Variants in SELENOO observed in about 807,000 individuals in gnomAD.
The protein encoded by SELENOO is protein adenylyltransferase SelO, mitochondrial.
In SELENOO, 74 loss-of-function variants were observed where a neutral mutation model predicts 58.7. The ratio of observed to expected loss-of-function variants is 1.26; its 90% CI spans 1.04 to 1.53. The LOEUF is 1.53. Among genes scored for constraint, SELENOO ranks in the 40% most tolerant of loss-of-function variants. The pLI is 0.00. For missense variants in SELENOO, 1,149 were observed against 970.0 expected (o/e 1.18, Z -2.45); for synonymous variants, 543 against 453.2 (o/e 1.20, Z -2.52).
At chr22:50,215,680 C>T (rs2064402204) in intron 5 of SELENOO, 37 bp from the exon 6 acceptor site, 1 of 1,533,130 alleles carries the variant, frequency 6.5e-7, no homozygotes, top group South Asian at 1.2e-5. Flanking sequence ...GACCCTGGGC[C>T]TTCTGCTTCC....
At position 50,217,309 on chromosome 22, in the gene SELENOO, C is replaced by T; in HGVS notation, c.1950C>T (p.Arg650=). The change falls in exon 9 of 9, where the codon CGC becomes CGT. Residue 650 remains arginine, a synonymous_variant. Transcript: ENST00000380903. ...TEADGADGRQ[R]SYSSKPPLWA... is the part of the protein sequence containing the mutation. ...CCGACGGGGCGGACGGCAGGCAGCG[C>T]TCCTACAGCAGTAAGCCCCCGCTCT... is the stretch of plus-strand genomic sequence containing the variant. 1.2e-6 allele frequency: 2 copies of T among 1,612,814 alleles called. No individual in the cohort carries two copies. The highest frequency in any genetic ancestry group is 1.7e-6 in the Non-Finnish European group (2 of 1,179,904).
At chr22:50,217,164 G>A (rs2064423119) in intron 8 of SELENOO, 36 bp downstream of exon 8, 1 of 1,610,960 alleles carries the variant, frequency 6.2e-7, no homozygotes, top group Non-Finnish European at 8.5e-7. Context: ...CCCTGGGAGG[G>A]GGGTCGGCCC....
Position 50,215,847 on chromosome 22 carries a change from C to G in SELENOO, c.1482C>G (p.Phe494Leu), listed in dbSNP as rs1375529439. 2 of 1,610,504 alleles carry G rather than the reference C, an allele frequency of 1.2e-6. No homozygotes were observed. Among genetic ancestry groups the G allele is most frequent in the Admixed American group, 3.3e-5 (2 of 59,892 alleles). The change falls in exon 6 of 9, where the codon TTC becomes TTG. Residue 494 changes from phenylalanine to leucine, a missense_variant. Coordinates refer to ENST00000380903, the MANE Select transcript of SELENOO (RefSeq NM_031454.2). ...CCCTGGAGGAGCTGAGGCTGGCCTT[C>G]CGGCCCCAGATGGATCCCCGGTGGG... ...CASLEELRLA[F>L]RPQMDPRQLS... is the part of the protein sequence containing the mutation.
At chr22:50,206,565 A>T (rs773143722) in intron 2 of SELENOO, 45 bp downstream of exon 2, 6 of 1,524,762 alleles carry the variant, frequency 3.9e-6, no homozygotes, top group Non-Finnish European at 5.4e-6. Flanking sequence ...ACTTGCTTAG[A>T]GTCCTAGGAG....
intron 6 of SELENOO, 108 bp downstream of exon 6, chr22:50,215,975 G>T (rs2064406436): frequency 2.1e-6 from 2 of 970,326 alleles, no homozygotes; most frequent in African/African-American, 3.3e-5. Flanking sequence ...GGGCCCAGGT[G>T]GCTGCTCCGC....
At chr22:50,215,679 C>G in intron 5 of SELENOO, 38 bp from the exon 6 acceptor site, 1 of 1,523,860 alleles carries the variant, frequency 6.6e-7, no homozygotes, top group Non-Finnish European at 8.9e-7. Flanking sequence ...GGACCCTGGG[C>G]CTTCTGCTTC....
intron 6 of SELENOO, among the ~76,000 whole-genome samples, chr22:50,216,342 G>T (rs146679650): frequency 1.3e-5 from 2 of 152,260 alleles, no homozygotes; most frequent in Admixed American, 1.3e-4. Flanking sequence ...TGGAGAAGGC[G>T]TGGCCCCTGC....
At chr22:50,206,205 G>C (rs143779186) in intron 1 of SELENOO, 112 bp from the exon 2 acceptor site, 10 of 907,678 alleles carry the variant, frequency 1.1e-5, no homozygotes, top group Admixed American at 2.1e-5. Context: ...TTTCAGGGAC[G>C]TGCAAGCTGC....
rs754128596 is a variant in SELENOO at position 50,217,207 on chromosome 22, G to A, written c.1848G>A (p.Val616=). 5 of 1,610,440 alleles carry A rather than the reference G, an allele frequency of 3.1e-6. No individual in the cohort carries two copies. Among genetic ancestry groups the A allele is most frequent in the African/African-American group, 2.7e-5 (2 of 75,030 alleles). ...EAAERGDFSE[V]RRVLKLLETP... Reference sequence around the variant, plus strand: ...CTCTCACCCTCCTGATCCTCCAGGTGCGGCGGGTGCTGAAACTACTGGAGA... The same window carrying A: ...CTCTCACCCTCCTGATCCTCCAGGTACGGCGGGTGCTGAAACTACTGGAGA... The change falls in exon 9 of 9, where the codon GTG becomes GTA. Residue 616 remains valine, a splice_region_variant and synonymous_variant. Coordinates refer to ENST00000380903, the MANE Select transcript of SELENOO (RefSeq NM_031454.2).
Position 50,206,303 on chromosome 22 carries a change from G to A in SELENOO, c.555-14G>A, listed in dbSNP as rs1003040775. 4 of 1,612,516 alleles carry A rather than the reference G, an allele frequency of 2.5e-6. No individual in the cohort carries two copies. The highest frequency in any genetic ancestry group is 2.2e-5 in the East Asian group (1 of 44,880). ...CTGACCGGCCCACGTAGTGAACTCTGTGTTTGGTTTCAGACAGGCCGACGG... is the reference window on the plus strand; with the variant it reads ...CTGACCGGCCCACGTAGTGAACTCTATGTTTGGTTTCAGACAGGCCGACGG... On this transcript the variant is annotated splice_polypyrimidine_tract_variant and intron_variant, in intron 1 of 8. Coordinates refer to ENST00000380903, the MANE Select transcript of SELENOO (RefSeq NM_031454.2).
chr22:50,202,096 C>G (rs879546981), intron 1 of SELENOO, among the ~76,000 whole-genome samples: 6 of 152,208 alleles, frequency 3.9e-5, no homozygotes, highest in Non-Finnish European at 5.9e-5. Flanking sequence ...CCAGGCCCAC[C>G]GGGGAGCCGT....
chr22:50,206,190 G>T, intron 1 of SELENOO, 127 bp from the exon 2 acceptor site: 1 of 745,350 alleles, frequency 1.3e-6, no homozygotes, highest in Non-Finnish European at 2.2e-6. Context: ...CCTGGGACGG[G>T]CGGTTTTCAG....
chr22:50,210,293 C>G lies in SELENOO; in HGVS notation c.1052C>G (p.Pro351Arg), dbSNP rs1456691905. The G allele has an allele frequency of 1.2e-6, 2 of 1,613,214 alleles. No individual in the cohort carries two copies. Among genetic ancestry groups the G allele is most frequent in the South Asian group, 1.1e-5 (1 of 91,082 alleles). Residue 351 changes from proline (P) to arginine (R), a missense_variant, in exon 4 of 9, where the codon CCC becomes CGC. Physicochemically the swap from Pro to Arg is moderately radical, Grantham distance 103. Transcript: ENST00000380903. ...SILGLTIDYG[P>R]FGFLDRYDPD... ...CTGGGGCTCACCATCGACTACGGGCCCTTTGGCTTCCTGGACAGGTAAGTG... is the reference window on the plus strand; with the variant it reads ...CTGGGGCTCACCATCGACTACGGGCGCTTTGGCTTCCTGGACAGGTAAGTG...
chr22:50,216,773 G>C lies in SELENOO; in HGVS notation c.1585G>C (p.Glu529Gln), dbSNP rs1161077620. Residue 529 changes from glutamate (E) to glutamine (Q), a missense_variant, in exon 7 of 9, where the codon GAG becomes CAG. By Grantham distance (29) the Glu-to-Gln change is conservative (BLOSUM62 2). Coordinates refer to ENST00000380903, the MANE Select transcript of SELENOO (RefSeq NM_031454.2). ...GGGCACCCGGGCAGGCATCGCCAGG[G>C]AGCTGGAGCGTGTGGAGCAGCAGTC... ...LMGTRAGIARELERVEQQSRL... is the reference protein window; with the variant it reads ...LMGTRAGIARQLERVEQQSRL... 1 of 1,608,748 alleles carries C rather than the reference G, an allele frequency of 6.2e-7. No individual in the cohort carries two copies.
chr22:50,201,683 T>A (rs1368045334), intron 1 of SELENOO, 93 bp downstream of exon 1: 1 of 942,026 alleles, frequency 1.1e-6, no homozygotes, highest in Non-Finnish European at 1.4e-6. Flanking sequence ...GTCCGGCGGC[T>A]ACTGCCAAGT....
At position 50,215,793 on chromosome 22, in the gene SELENOO, C is replaced by A. The variant is rs1289060101; in HGVS notation, c.1428C>A (p.Phe476Leu). ...TAGAGTCGCCAGGCCTGGCGGAATT[C>A]CTGGCCAGGCTGATGGAGCAGTGTG... The part of the protein sequence containing the change: ...VELESPGLAE[F>L]LARLMEQCAS... Residue 476 changes from phenylalanine to leucine, a missense_variant, in exon 6 of 9, where the codon TTC (phenylalanine) becomes TTA (leucine). Coordinates refer to ENST00000380903, the MANE Select transcript of SELENOO (RefSeq NM_031454.2). The A allele has an allele frequency of 2.5e-6, 4 of 1,612,784 alleles. No homozygotes were observed. Among genetic ancestry groups the A allele is most frequent in the Non-Finnish European group, 3.4e-6 (4 of 1,179,400 alleles).
At chr22:50,204,260 G>A (rs1229538805) in intron 1 of SELENOO, among the ~76,000 whole-genome samples, 1 of 152,168 alleles carries the variant, frequency 6.6e-6, no homozygotes, top group African/African-American at 2.4e-5. Context: ...GAACCCGGGA[G>A]GTGGAGCTTG....
chr22:50,216,188 G>A (rs1407417852), intron 6 of SELENOO, among the ~76,000 whole-genome samples: 1 of 152,184 alleles, frequency 6.6e-6, no homozygotes, highest in Admixed American at 6.5e-5. Flanking sequence ...TCTTCCAAAG[G>A]GAAGGGCTGC....
intron 5 of SELENOO, 34 bp downstream of exon 5, chr22:50,210,945 C>G (rs766420049): frequency 1.2e-6 from 2 of 1,611,530 alleles, no homozygotes; most frequent in Non-Finnish European, 1.7e-6. Flanking sequence ...AGCAAGGCGC[C>G]TCCCGTGCTG....
Sources: gnomAD v4.1 joint callset for allele counts (sites outside exome capture counted in the v4.1 genomes callset) on GRCh38, gnomAD v4.1.1 for gene constraint, MANE v1.5 for transcripts, NCBI Gene and HGNC (gene_info 2026-07-23, HGNC 2026-07-21) for gene names.